HIBCH: variants seen among roughly 807,000 people sequenced by gnomAD.
The protein encoded by HIBCH is 3-hydroxyisobutyryl-CoA hydrolase.
A neutral mutation model predicts 58.2 loss-of-function variants in HIBCH; 50 were observed. The ratio of observed to expected loss-of-function variants is 0.86; its 90% CI spans 0.68 to 1.09. The LOEUF is 1.09. HIBCH is among the 50% of genes least tolerant of loss of function. The probability of loss-of-function intolerance (pLI) is 0.00; values close to 1 mark genes in which losing one functional copy is unlikely to be tolerated. For synonymous variants in HIBCH, 151 were observed against 146.9 expected (o/e 1.03, Z -0.20); for missense variants, 450 against 449.7 (o/e 1.00, Z -0.01).
intron 5 of HIBCH, among the ~76,000 whole-genome samples, chr2:190,288,478 G>A (rs553367694): frequency 6.7e-6 from 1 of 148,876 alleles, no homozygotes; most frequent in African/African-American, 2.5e-5. Context: ...TGGGAAATAA[G>A]GGACCACATA....
intron 11 of HIBCH, among the ~76,000 whole-genome samples, chr2:190,224,261 T>C (rs1266763215): frequency 6.6e-6 from 1 of 152,180 alleles, no homozygotes; most frequent in African/African-American, 2.4e-5. Context: ...GCAGGGAAGC[T>C]TGAACTGGGT....
At chr2:190,303,192 T>C (rs1019416604) in intron 2 of HIBCH, among the ~76,000 whole-genome samples, 1 of 152,172 alleles carries the variant, frequency 6.6e-6, no homozygotes, top group East Asian at 1.9e-4. Context: ...CATGAATACA[T>C]GGGTAAGTAC....
At chr2:190,196,241 CTA>C (rs999709781) in intron 1 of HIBCH, among the ~76,000 whole-genome samples, 45 of 151,966 alleles carry the variant, frequency 3.0e-4, no homozygotes, top group African/African-American at 1.1e-3. Flanking sequence ...AGTGGCTGCT[CTA>C]TGTTTTAAAT....
chr2:190,280,884 T>G (rs1398760381), intron 6 of HIBCH: 1 of 152,250 alleles, frequency 6.6e-6, no homozygotes, highest in African/African-American at 2.4e-5. Context: ...CTATTGTTCC[T>G]GTTCTAAAAC....
chr2:190,234,895 T>C lies in HIBCH; in HGVS notation c.891+9992A>G, dbSNP rs114983725. Reference sequence around the variant, plus strand: ...GAGAAGCCAGTATAATGGTTATGTATTCTGGAGAAGAGGTAGTGAGTAGGA... The same window carrying C: ...GAGAAGCCAGTATAATGGTTATGTACTCTGGAGAAGAGGTAGTGAGTAGGA... On this transcript the variant is annotated intron_variant, in intron 11 of 13. Transcript: ENST00000359678. Among the ~76,000 whole-genome samples the C allele has an allele frequency of 6.7e-3, 1,015 of 151,936 alleles. 12 individuals carry two copies. Among genetic ancestry groups the C allele is most frequent in the African/African-American group, 0.022 (921 of 41,462 alleles).
chr2:190,231,148 A>G (rs1686083900), intron 11 of HIBCH, among the ~76,000 whole-genome samples: 1 of 152,230 alleles, frequency 6.6e-6, no homozygotes, highest in Non-Finnish European at 1.5e-5. Context: ...TGCTGGAACA[A>G]TTATATAATA....
At chr2:190,255,048 A>C (rs1468436176) in intron 7 of HIBCH, among the ~76,000 whole-genome samples, 2 of 152,200 alleles carry the variant, frequency 1.3e-5, no homozygotes, top group African/African-American at 4.8e-5. Flanking sequence ...ATAACCTATT[A>C]TCCAATCTCA....
At position 190,253,434 on chromosome 2, in the gene HIBCH, T is replaced by C. The variant is rs117633262; in HGVS notation, c.518-1127A>G. Among the ~76,000 whole-genome samples, 5 of 152,246 alleles carry C rather than the reference T, an allele frequency of 3.3e-5. No individual in the cohort carries two copies. In the East Asian group the frequency reaches 7.7e-4, roughly 24 times the overall value. On this transcript the variant is annotated intron_variant, in intron 7 of 13. Coordinates refer to ENST00000359678, the MANE Select transcript of HIBCH (RefSeq NM_014362.4). ...CATCATGCTCCTGTAAACAGAAATA[T>C]CTCTTAGTATCTCAAACTAGCTAGG...
At chr2:190,247,076 G>A (rs780389995) in intron 9 of HIBCH, among the ~76,000 whole-genome samples, 4 of 151,476 alleles carry the variant, frequency 2.6e-5, no homozygotes, top group Non-Finnish European at 4.4e-5. Flanking sequence ...TTAGCACTTT[G>A]GGTTAAAACA....
intron 2 of HIBCH, among the ~76,000 whole-genome samples, chr2:190,302,834 T>G (rs894497849): frequency 7.9e-5 from 12 of 152,172 alleles, no homozygotes; most frequent in African/African-American, 2.9e-4. Flanking sequence ...GTGAAGTGAC[T>G]GTGGTGATAA....
chr2:190,201,238 T>G (rs1364713549), downstream of HIBCH: 1 of 167,028 alleles, frequency 6.0e-6, no homozygotes, highest in African/African-American at 2.4e-5. Context: ...AAGCTATTTT[T>G]TCTCTTTCAT....
At chr2:190,239,427 T>C (rs1462719998) in intron 11 of HIBCH, among the ~76,000 whole-genome samples, 1 of 152,182 alleles carries the variant, frequency 6.6e-6, no homozygotes, top group Non-Finnish European at 1.5e-5. Flanking sequence ...TCTTTTTGCT[T>C]AGGATTCTCT....
At chr2:190,302,385 T>A (rs1688287665) in intron 2 of HIBCH, among the ~76,000 whole-genome samples, 1 of 152,200 alleles carries the variant, frequency 6.6e-6, no homozygotes, top group South Asian at 2.1e-4. Context: ...GGGTGGAGAC[T>A]TAACAAGTAG....
chr2:190,244,863 G>C, intron 11 of HIBCH, 24 bp downstream of exon 11: 2 of 1,489,476 alleles, frequency 1.3e-6, no homozygotes, highest in Non-Finnish European at 1.9e-6. Flanking sequence ...TGTTCACTCA[G>C]GGCAGAAAGG....
At chr2:190,314,456 A>G (rs927933135) in intron 1 of HIBCH, among the ~76,000 whole-genome samples, 1 of 151,006 alleles carries the variant, frequency 6.6e-6, no homozygotes, top group Admixed American at 6.6e-5. Context: ...GTCAAATACT[A>G]TATAATCACA....
intron 6 of HIBCH, among the ~76,000 whole-genome samples, chr2:190,263,692 C>T (rs529535470): frequency 1.3e-5 from 2 of 152,198 alleles, no homozygotes; most frequent in African/African-American, 2.4e-5. Context: ...AAGTAAATCT[C>T]TTGATTTCTC....
chr2:190,231,014 ATTAG>A (rs747556297), intron 11 of HIBCH, among the ~76,000 whole-genome samples: 1 of 152,244 alleles, frequency 6.6e-6, no homozygotes, highest in Non-Finnish European at 1.5e-5. Flanking sequence ...GAAATACATA[ATTAG>A]TTCTTTCAAA....
intron 6 of HIBCH, among the ~76,000 whole-genome samples, chr2:190,286,507 T>G (rs189888934): frequency 6.6e-6 from 1 of 152,094 alleles, no homozygotes; most frequent in African/African-American, 2.4e-5. Context: ...AGACATTACT[T>G]TTTCTCTCCT....
chr2:190,290,304 G>T, intron 5 of HIBCH, 101 bp downstream of exon 5: 1 of 813,922 alleles, frequency 1.2e-6, no homozygotes, highest in Non-Finnish European at 2.1e-6. Context: ...GGTATTAAAA[G>T]TTTAAGTAAG....
Sources: allele counts gnomAD v4.1 joint callset (sites outside exome capture counted in the v4.1 genomes callset), GRCh38; gene constraint gnomAD v4.1.1; transcripts MANE v1.5; gene names NCBI Gene and HGNC (gene_info 2026-07-23, HGNC 2026-07-21).